Variants in FBXL13 observed in about 807,000 individuals in gnomAD.
FBXL13 encodes F-box and leucine-rich repeat protein 13.
Under a neutral mutation model 83.6 loss-of-function variants are expected in FBXL13, and 67 were observed. The observed-to-expected ratio is 0.80, with a 90% confidence interval of 0.66 to 0.98. The LOEUF (loss-of-function observed/expected upper bound fraction) is 0.98. Ranked by LOEUF, FBXL13 falls within the 50% of genes least tolerant of loss-of-function variation. The pLI, the probability that FBXL13 is intolerant of heterozygous loss-of-function variation, is 0.00. For missense variants in FBXL13, 822 were observed against 866.5 expected (o/e 0.95, Z 0.64); for synonymous variants, 272 against 299.5 (o/e 0.91, Z 0.95).
At chr7:103,015,779 AG>A (rs1792223967) in intron 6 of FBXL13, among the ~76,000 whole-genome samples, 1 of 126,686 alleles carries the variant, frequency 7.9e-6, no homozygotes, top group Admixed American at 9.7e-5. Context: ...CCTGGGTAAC[AG>A]AGTGAGACTC....
chr7:103,030,558 C>T (rs1794401053), intron 2 of FBXL13, among the ~76,000 whole-genome samples: 1 of 151,982 alleles, frequency 6.6e-6, no homozygotes, highest in South Asian at 2.1e-4. Context: ...GTTGTAGGTC[C>T]CTAAATTTCA....
intron 16 of FBXL13, among the ~76,000 whole-genome samples, chr7:102,870,267 A>T (rs919680377): frequency 1.3e-5 from 2 of 152,202 alleles, no homozygotes; most frequent in African/African-American, 2.4e-5. Flanking sequence ...GCACATTAGG[A>T]ACTCAACAAC....
chr7:102,867,930 CTGATCTCA>C (rs1377072890), intron 16 of FBXL13, among the ~76,000 whole-genome samples: 1 of 151,478 alleles, frequency 6.6e-6, no homozygotes, highest in African/African-American at 2.4e-5. Context: ...TCTCGATCTC[CTGATCTCA>C]TGATCTGCCC....
At chr7:103,046,705 A>G (rs1796320477) in intron 2 of FBXL13, 1 of 152,218 alleles carries the variant, frequency 6.6e-6, no homozygotes, top group Admixed American at 6.5e-5. Flanking sequence ...TTCAAAGATA[A>G]GAGTCTCACA....
intron 8 of FBXL13, among the ~76,000 whole-genome samples, chr7:102,943,107 T>A (rs1016142501): frequency 1.1e-4 from 16 of 152,176 alleles, no homozygotes; most frequent in Admixed American, 9.8e-4. Context: ...TACAACCAGA[T>A]GTTTTCAAAA....
intron 14 of FBXL13, among the ~76,000 whole-genome samples, chr7:102,879,941 C>G (rs1350670137): frequency 6.6e-6 from 1 of 152,158 alleles, no homozygotes; most frequent in African/African-American, 2.4e-5. Flanking sequence ...CTCCTGACCT[C>G]GTGATCCGCC....
At chr7:102,945,914 C>G (rs1001434831) in intron 8 of FBXL13, among the ~76,000 whole-genome samples, 1 of 151,906 alleles carries the variant, frequency 6.6e-6, no homozygotes, top group Admixed American at 6.6e-5. Context: ...AAGAGTCTTG[C>G]TCTGTTGCCC....
intron 16 of FBXL13, among the ~76,000 whole-genome samples, chr7:102,867,695 ATTTT>A (rs1205859622): frequency 0.016 from 772 of 48,722 alleles, 2 homozygotes; most frequent in East Asian, 0.054. Context: ...ATATATATAT[ATTTT>A]TTTTTTTTTT....
chr7:102,920,091 T>C (rs1003819789), intron 10 of FBXL13, among the ~76,000 whole-genome samples: 11 of 152,172 alleles, frequency 7.2e-5, no homozygotes, highest in African/African-American at 1.7e-4. Context: ...AGAGGGACAA[T>C]TGAAGTGTAT....
At chr7:102,879,599 T>G (rs547419862) in intron 14 of FBXL13, among the ~76,000 whole-genome samples, 3 of 152,296 alleles carry the variant, frequency 2.0e-5, no homozygotes, top group South Asian at 4.2e-4. Flanking sequence ...CATGCTGTTT[T>G]TTTGTTTGTT....
intron 2 of FBXL13, among the ~76,000 whole-genome samples, chr7:103,047,337 G>A (rs1296265806): frequency 6.6e-6 from 1 of 152,156 alleles, no homozygotes; most frequent in Non-Finnish European, 1.5e-5. Flanking sequence ...GGACAAGATA[G>A]CCTTCCTGGT....
At chr7:102,867,219 A>G (rs1563015975) in intron 16 of FBXL13, among the ~76,000 whole-genome samples, 1 of 152,046 alleles carries the variant, frequency 6.6e-6, no homozygotes, top group South Asian at 2.1e-4. Context: ...TCAGCCAGTC[A>G]TGATGGTATG....
intron 9 of FBXL13, among the ~76,000 whole-genome samples, chr7:102,929,064 T>C (rs1818650210): frequency 6.6e-6 from 1 of 152,210 alleles, no homozygotes; most frequent in Non-Finnish European, 1.5e-5. Flanking sequence ...CTTTATGTTC[T>C]GCTGGACAGG....
At chr7:102,814,052 G>C (rs1214552735) in intron 19 of FBXL13, among the ~76,000 whole-genome samples, 1 of 152,018 alleles carries the variant, frequency 6.6e-6, no homozygotes, top group Non-Finnish European at 1.5e-5. Flanking sequence ...TGACTCAAAG[G>C]TGTCACAACA....
chr7:102,976,089 C>T (rs774412488), intron 6 of FBXL13: 36 of 766,420 alleles, frequency 4.7e-5, no homozygotes, highest in African/African-American at 4.1e-4. Context: ...GCAAGGACCA[C>T]CCCCATCCCT....
intron 6 of FBXL13, among the ~76,000 whole-genome samples, chr7:102,975,560 C>T (rs1169277967): frequency 6.6e-6 from 1 of 152,206 alleles, no homozygotes; most frequent in East Asian, 1.9e-4. Flanking sequence ...CTCAAAAAGG[C>T]TGCCCATAAA....
chr7:102,863,449 T>C (rs1470682847), intron 16 of FBXL13, among the ~76,000 whole-genome samples: 5 of 151,560 alleles, frequency 3.3e-5, no homozygotes, highest in Admixed American at 6.6e-5. Flanking sequence ...CTTTCATGCC[T>C]TTTTAATTTG....
chr7:103,043,399 G>T (rs1795945280), intron 2 of FBXL13, among the ~76,000 whole-genome samples: 1 of 152,190 alleles, frequency 6.6e-6, no homozygotes, highest in African/African-American at 2.4e-5. Flanking sequence ...CAACTGTTGT[G>T]GAAGACAGTG....
At chr7:102,992,562 T>C (rs1276022535) in intron 6 of FBXL13, among the ~76,000 whole-genome samples, 2 of 152,206 alleles carry the variant, frequency 1.3e-5, no homozygotes, top group African/African-American at 4.8e-5. Flanking sequence ...GCTTCTGCAA[T>C]TTAAAAGTCA....
Sources: gnomAD v4.1 joint callset for allele counts (sites outside exome capture counted in the v4.1 genomes callset) on GRCh38, gnomAD v4.1.1 for gene constraint, MANE v1.5 for transcripts, NCBI Gene and HGNC (gene_info 2026-07-23, HGNC 2026-07-21) for gene names.